The following RALYL variants were observed in gnomAD, a reference collection of about 807,000 sequenced individuals.
RALYL encodes the protein RNA-binding Raly-like protein.
A neutral mutation model predicts 35.1 loss-of-function variants in RALYL; 29 were observed. The observed-to-expected ratio is 0.83, with a 90% CI of 0.61 to 1.13. The LOEUF is 1.13. RALYL is among the 50% of genes most tolerant of loss of function. RALYL has a pLI of 0.00. For missense variants in RALYL, 359 were observed against 360.4 expected, an observed-to-expected ratio of 1.00 and a Z score of 0.03; for synonymous variants, 120 against 127.6, an observed-to-expected ratio of 0.94 and a Z score of 0.40.
At chr8:84,630,159 C>A (rs561744822) in intron 2 of RALYL, among the ~76,000 whole-genome samples, 1 of 151,970 alleles carries the variant, frequency 6.6e-6, no homozygotes, top group Non-Finnish European at 1.5e-5. Flanking sequence ...CAAAGATAGA[C>A]TCTTAATTGG....
intron 4 of RALYL, among the ~76,000 whole-genome samples, chr8:84,821,374 A>G (rs1563679280): frequency 2.0e-5 from 3 of 152,226 alleles, no homozygotes; most frequent in Non-Finnish European, 4.4e-5. Context: ...AATGGAGTCC[A>G]GTCTGGGACT....
chr8:84,711,656 C>T (rs902149236), intron 2 of RALYL, among the ~76,000 whole-genome samples: 4 of 152,092 alleles, frequency 2.6e-5, no homozygotes, highest in Non-Finnish European at 5.9e-5. Flanking sequence ...TTGCCAGTCT[C>T]AATTGATGTG....
Position 84,310,849 on chromosome 8 carries a change from C to T in RALYL, c.-24+126425C>T, listed in dbSNP as rs994271153. On this transcript the variant is annotated intron_variant, in intron 1 of 8. Transcript: ENST00000521268. ...GATCATGAGGTCAGGAGATCGAGACCGTCCTGGCTAACAAGGTGAAACCCC... is the reference window on the plus strand; with the variant it reads ...GATCATGAGGTCAGGAGATCGAGACTGTCCTGGCTAACAAGGTGAAACCCC... 7.3e-5 allele frequency among the ~76,000 whole-genome samples: 10 copies of T among 137,762 alleles called. 2 individuals carry two copies. Among genetic ancestry groups the T allele is most frequent in the Middle Eastern group, 7.1e-3 (2 of 280 alleles). 90.4% of individuals were successfully genotyped at this position (137,762 alleles called of 152,430 possible).
chr8:84,809,481 G>T (rs1825418875), intron 4 of RALYL, among the ~76,000 whole-genome samples: 1 of 152,054 alleles, frequency 6.6e-6, no homozygotes, highest in African/African-American at 2.4e-5. Flanking sequence ...TGGTATTAGG[G>T]TGATGCTGGC....
intron 1 of RALYL, among the ~76,000 whole-genome samples, chr8:84,316,177 T>A (rs73306935): frequency 0.02 from 3,088 of 152,202 alleles, 115 homozygotes; most frequent in African/African-American, 0.07. Context: ...CAACTATAAC[T>A]TTGTTTGCTA....
intron 4 of RALYL, 105 bp from the exon 5 acceptor site, chr8:84,849,874 TA>T: frequency 1.6e-6 from 1 of 621,904 alleles, no homozygotes; most frequent in Non-Finnish European, 2.7e-6. Context: ...TATTGAAAAA[TA>T]AATATTTTAA....
At chr8:84,564,530 T>A (rs1045957212) in intron 2 of RALYL, among the ~76,000 whole-genome samples, 6 of 151,784 alleles carry the variant, frequency 4.0e-5, no homozygotes, top group African/African-American at 1.4e-4. Flanking sequence ...ATTTTATTGC[T>A]AAAGTCTTTT....
At position 84,366,763 on chromosome 8, in the gene RALYL, C is replaced by CAAAAAAA. The variant is rs1166208925; in HGVS notation, c.-23-162514_-23-162508dup. On this transcript the variant is annotated intron_variant, in intron 1 of 8. Transcript: ENST00000521268. ...TGGAGGCAGAGTGAGATTTTTGTCT[C>CAAAAAAA]AAAAAAAAAAAAAAAAAAAAAAAAA... 8.6e-4 allele frequency among the ~76,000 whole-genome samples: 49 copies of CAAAAAAA among 56,660 alleles called. 4 individuals carry two copies. Among genetic ancestry groups the CAAAAAAA allele is most frequent in the African/African-American group, 1.6e-3 (31 of 19,910 alleles). The allele number at this position is 56,660 out of a possible 152,430, so 37.2% of individuals were successfully genotyped here. A position where few individuals can be genotyped will look rare whatever the true frequency, so the allele number is the denominator to read the frequency against.
Position 84,379,530 on chromosome 8 carries a change from C to T in RALYL, c.-23-149769C>T, listed in dbSNP as rs189357125. On this transcript the variant is annotated intron_variant, in intron 1 of 8. Coordinates refer to ENST00000521268, the MANE Select transcript of RALYL (RefSeq NM_173848.7). ...TAAATTTTATCTGGAATAAACCTAG[C>T]GAAACTTTTTAAATCCCTAAAGATG... 8.8e-4 allele frequency among the ~76,000 whole-genome samples: 133 copies of T among 151,790 alleles called. 1 individual carries two copies. The Middle Eastern group carries it at 0.017, about 19-fold the overall frequency.
At chr8:84,483,678 G>T (rs903907879) in intron 1 of RALYL, among the ~76,000 whole-genome samples, 1 of 152,094 alleles carries the variant, frequency 6.6e-6, no homozygotes, top group Admixed American at 6.6e-5. Flanking sequence ...TTAATTGGGA[G>T]GGCAGATATT....
chr8:84,711,995 C>A (rs1196457768), intron 2 of RALYL, among the ~76,000 whole-genome samples: 1 of 152,004 alleles, frequency 6.6e-6, no homozygotes, highest in African/African-American at 2.4e-5. Context: ...GGTTTTAAAA[C>A]TTTTTTTAAG....
At chr8:84,514,674 G>A (rs2057916966) in intron 1 of RALYL, among the ~76,000 whole-genome samples, 2 of 152,134 alleles carry the variant, frequency 1.3e-5, no homozygotes, top group South Asian at 4.1e-4. Flanking sequence ...CCACATACGG[G>A]TCTAAATTCC....
chr8:84,392,418 TATAAA>T (rs1860895926), intron 1 of RALYL, among the ~76,000 whole-genome samples: 1 of 151,362 alleles, frequency 6.6e-6, no homozygotes, highest in African/African-American at 2.4e-5. Flanking sequence ...GATATTTCCA[TATAAA>T]ATAAAGAGTG....
chr8:84,223,745 A>C (rs1296282749), intron 1 of RALYL, among the ~76,000 whole-genome samples: 1 of 152,186 alleles, frequency 6.6e-6, no homozygotes, highest in Non-Finnish European at 1.5e-5. Context: ...GTCCTGTACA[A>C]CTTTTTAAGT....
intron 4 of RALYL, among the ~76,000 whole-genome samples, chr8:84,833,569 C>T (rs1238596237): frequency 5.4e-5 from 8 of 147,850 alleles, no homozygotes; most frequent in Admixed American, 6.8e-5. Context: ...ACCCAGGAGG[C>T]GGAGGTTGCA....
At chr8:84,519,958 G>T (rs116777502) in intron 1 of RALYL, among the ~76,000 whole-genome samples, 1 of 152,096 alleles carries the variant, frequency 6.6e-6, no homozygotes, top group Non-Finnish European at 1.5e-5. Context: ...AGTGACACAG[G>T]GTTGCATCTG....
chr8:84,476,595 A>G (rs2053450539), intron 1 of RALYL, among the ~76,000 whole-genome samples: 1 of 152,168 alleles, frequency 6.6e-6, no homozygotes, highest in South Asian at 2.1e-4. Context: ...TTCTTGTCTC[A>G]TATTTACTCT....
intron 1 of RALYL, among the ~76,000 whole-genome samples, chr8:84,497,874 C>A (rs1467142640): frequency 1.3e-5 from 2 of 151,664 alleles, no homozygotes; most frequent in East Asian, 3.9e-4. Flanking sequence ...ATCTCCTGAC[C>A]TTGTGATCTG....
intron 2 of RALYL, among the ~76,000 whole-genome samples, chr8:84,594,956 T>A (rs1260985853): frequency 6.6e-6 from 1 of 152,052 alleles, no homozygotes; most frequent in Non-Finnish European, 1.5e-5. Flanking sequence ...CAGTAACATC[T>A]TATATCATTG....
Sources: gnomAD v4.1 joint callset for allele counts (sites outside exome capture counted in the v4.1 genomes callset) on GRCh38, gnomAD v4.1.1 for gene constraint, MANE v1.5 for transcripts, NCBI Gene and HGNC (gene_info 2026-07-23, HGNC 2026-07-21) for gene names.